The following KIAA1549L variants were observed in gnomAD, a reference collection of about 807,000 sequenced individuals.
KIAA1549L encodes UPF0606 protein KIAA1549L.
Under a neutral mutation model 160.7 loss-of-function variants are expected in KIAA1549L, and 88 were observed. That is an observed-to-expected ratio of 0.55 (90% CI 0.46 to 0.65). The LOEUF is 0.65. KIAA1549L is among the 30% of genes least tolerant of loss of function. KIAA1549L has a pLI of 0.00. For missense variants in KIAA1549L, 2,258 were observed against 2,437.5 expected, an observed-to-expected ratio of 0.93 and a Z score of 1.55; for synonymous variants, 950 against 976.7, an observed-to-expected ratio of 0.97 and a Z score of 0.51.
rs79830466 is a variant in KIAA1549L, at chr11:33,434,581, G to C, written c.238+57692G>C. ...TTGCACAAGCTAGCTGCACAAGAGA[G>C]CTAGCCTGGACCTGTTGCAGAGCCT... is the stretch of plus-strand genomic sequence containing the variant. On this transcript the variant is annotated intron_variant, in intron 1 of 20. Coordinates refer to ENST00000658780, the MANE Select transcript of KIAA1549L (RefSeq NM_012194.3). Among the ~76,000 whole-genome samples the C allele has an allele frequency of 2.2e-3, 335 of 152,284 alleles. 1 individual carries two copies. Among genetic ancestry groups the C allele is most frequent in the South Asian group, 7.2e-3 (35 of 4,832 alleles).
chr11:33,430,074 C>T (rs926742486), intron 1 of KIAA1549L, among the ~76,000 whole-genome samples: 11 of 150,296 alleles, frequency 7.3e-5, no homozygotes, highest in Admixed American at 2.7e-4. Flanking sequence ...TCCGTTCCTC[C>T]CTTCCCTCCC....
chr11:33,600,822 G>A (rs995721748), intron 13 of KIAA1549L, among the ~76,000 whole-genome samples: 2 of 152,088 alleles, frequency 1.3e-5, no homozygotes, highest in Non-Finnish European at 2.9e-5. Context: ...GCTTTAAACT[G>A]TGCCATACAA....
chr11:33,628,832 T>C (rs1008030857), intron 16 of KIAA1549L, among the ~76,000 whole-genome samples: 3 of 152,156 alleles, frequency 2.0e-5, no homozygotes, highest in Admixed American at 2.0e-4. Context: ...GTCATTATGA[T>C]GTTAGTTGGT....
chr11:33,598,518 C>T (rs1480339934), intron 12 of KIAA1549L, among the ~76,000 whole-genome samples: 3 of 152,126 alleles, frequency 2.0e-5, no homozygotes, highest in African/African-American at 7.2e-5. Context: ...GGATGCCACC[C>T]TTGCCACCAT....
chr11:33,470,284 T>G (rs1403116550), intron 1 of KIAA1549L, among the ~76,000 whole-genome samples: 1 of 152,240 alleles, frequency 6.6e-6, no homozygotes, highest in African/African-American at 2.4e-5. Flanking sequence ...CTTTTCTCAT[T>G]GAATTGTCTT....
intron 20 of KIAA1549L, among the ~76,000 whole-genome samples, chr11:33,661,858 C>T (rs77735975): frequency 0.012 from 1,420 of 116,888 alleles, 35 homozygotes; most frequent in African/African-American, 0.045. Flanking sequence ...CCCGCTGGGG[C>T]GATAGAGCAA....
chr11:33,660,973 T>G lies in KIAA1549L; in HGVS notation c.6118T>G (p.Tyr2040Asp). The G allele has an allele frequency of 6.2e-7, 1 of 1,612,200 alleles. No individual in the cohort carries two copies. Among genetic ancestry groups the G allele is most frequent in the Non-Finnish European group, 8.5e-7 (1 of 1,179,140 alleles). ...CTATAGGAACCAGGCCTGGATGTCC[T>G]ATGCAGGAGAGAATGAGCTCCCGAG... ...SSYRNQAWMS[Y>D]AGENELPSQW... Residue 2040 changes from tyrosine (Y) to aspartate (D), a missense_variant, in exon 20 of 21, where the codon TAT becomes GAT. Physicochemically the swap from Tyr to Asp is radical, Grantham distance 160. Around this residue, in one of 6 missense-constraint regions of KIAA1549L, gnomAD observed 1,359 missense variants for 1,546.6 expected, o/e 0.88. Coordinates refer to ENST00000658780, the MANE Select transcript of KIAA1549L (RefSeq NM_012194.3).
chr11:33,445,997 C>A (rs1487033050), intron 1 of KIAA1549L, among the ~76,000 whole-genome samples: 1 of 151,848 alleles, frequency 6.6e-6, no homozygotes, highest in Non-Finnish European at 1.5e-5. Flanking sequence ...CCAAAAAATT[C>A]TTTTTCATTG....
At chr11:33,404,385 G>A (rs994484585) in intron 1 of KIAA1549L, among the ~76,000 whole-genome samples, 1 of 152,030 alleles carries the variant, frequency 6.6e-6, no homozygotes, top group African/African-American at 2.4e-5. Context: ...TTAGCCAGGC[G>A]TGGTGGCAGG....
intron 1 of KIAA1549L, among the ~76,000 whole-genome samples, chr11:33,445,851 A>G (rs1172642218): frequency 2.6e-5 from 4 of 152,240 alleles, no homozygotes; most frequent in African/African-American, 9.7e-5. Context: ...CCCTTCTGCC[A>G]TGTGGGGACA....
At chr11:33,490,171 C>G (rs1852624220) in intron 1 of KIAA1549L, among the ~76,000 whole-genome samples, 1 of 151,982 alleles carries the variant, frequency 6.6e-6, no homozygotes, top group Non-Finnish European at 1.5e-5. Context: ...GGTTCTAGTC[C>G]CATTTTGCTA....
chr11:33,424,361 A>T (rs1474344865), intron 1 of KIAA1549L, among the ~76,000 whole-genome samples: 1 of 152,206 alleles, frequency 6.6e-6, no homozygotes, highest in African/African-American at 2.4e-5. Context: ...CATTCCTCTC[A>T]TCAAGCAAAG....
intron 1 of KIAA1549L, among the ~76,000 whole-genome samples, chr11:33,422,395 C>T (rs933923091): frequency 1.3e-5 from 2 of 152,008 alleles, no homozygotes; most frequent in African/African-American, 4.8e-5. Flanking sequence ...ACTGCTGCAC[C>T]AGGAGTGCTC....
chr11:33,632,974 G>C (rs1039937549), intron 16 of KIAA1549L, among the ~76,000 whole-genome samples: 2 of 149,926 alleles, frequency 1.3e-5, no homozygotes, highest in Non-Finnish European at 3.0e-5. Flanking sequence ...TGTGTTTTTT[G>C]TCGTTGTTGT....
At chr11:33,558,341 G>A (rs1460893485) in intron 6 of KIAA1549L, among the ~76,000 whole-genome samples, 3 of 152,170 alleles carry the variant, frequency 2.0e-5, no homozygotes, top group African/African-American at 7.2e-5. Context: ...TGGGGTGAGT[G>A]CGGGGTTCGA....
At chr11:33,596,050 T>C (rs115278033) in intron 12 of KIAA1549L, among the ~76,000 whole-genome samples, 1,565 of 152,298 alleles carry the variant, frequency 0.01, 45 homozygotes, top group African/African-American at 0.036. Flanking sequence ...GTGTAGTGAT[T>C]GGCCGTGATT....
chr11:33,503,842 C>T (rs1343412313), intron 1 of KIAA1549L, among the ~76,000 whole-genome samples: 6 of 152,244 alleles, frequency 3.9e-5, no homozygotes, highest in African/African-American at 1.4e-4. Context: ...CTTGTTCTCA[C>T]TGAATCTTGG....
intron 10 of KIAA1549L, among the ~76,000 whole-genome samples, chr11:33,577,212 G>C (rs1453713475): frequency 6.6e-6 from 1 of 152,202 alleles, no homozygotes; most frequent in Non-Finnish European, 1.5e-5. Flanking sequence ...GGGATTGGAG[G>C]TTGTGACCTT....
At chr11:33,650,243 T>C (rs920747891) in intron 17 of KIAA1549L, among the ~76,000 whole-genome samples, 1 of 152,164 alleles carries the variant, frequency 6.6e-6, no homozygotes, top group African/African-American at 2.4e-5. Context: ...GTCACCTACC[T>C]CTGGTAAATA....
Sources: gnomAD v4.1 joint callset for allele counts (sites outside exome capture counted in the v4.1 genomes callset) on GRCh38, gnomAD v4.1.1 for gene constraint, gnomAD v4.1.1 regional missense constraint, MANE v1.5 for transcripts, NCBI Gene and HGNC (gene_info 2026-07-23, HGNC 2026-07-21) for gene names.